The following EFR3B variants were observed in gnomAD, a reference collection of about 807,000 sequenced individuals.
EFR3B encodes EFR3 homolog B.
In EFR3B, 64 loss-of-function variants were observed where a neutral mutation model predicts 104.7. That is an observed-to-expected ratio of 0.61 (90% CI 0.50 to 0.75). The LOEUF is 0.75. Among genes scored for constraint, EFR3B ranks in the 30% least tolerant of loss-of-function variants. The pLI, the probability that EFR3B is intolerant of heterozygous loss-of-function variation, is 0.00. For synonymous variants in EFR3B, 385 were observed against 417.9 expected (o/e 0.92, Z 0.96); for missense variants, 750 against 1,078.5 (o/e 0.70, Z 4.27).
In EFR3B at chr2:25,135,188, G is replaced by A. The variant is rs1386158464; in HGVS notation, c.1312-279G>A. ...TAGGTTCAGAGACTGCCTGGCTCCC[G>A]CTTCCCTCCAGGGCTCATCCCTTGC... is the stretch of plus-strand genomic sequence containing the variant. On this transcript the variant is annotated intron_variant, in intron 12 of 22. Coordinates refer to ENST00000403714, the MANE Select transcript of EFR3B (RefSeq NM_014971.2). Among the ~76,000 whole-genome samples, 6 of 152,116 alleles carry A rather than the reference G, an allele frequency of 3.9e-5. No homozygotes were observed. In the East Asian group the frequency reaches 5.8e-4, roughly 15 times the overall value.
intron 5 of EFR3B, among the ~76,000 whole-genome samples, chr2:25,123,901 C>T (rs1670089326): frequency 6.6e-6 from 1 of 152,216 alleles, no homozygotes; most frequent in South Asian, 2.1e-4. Flanking sequence ...GTTTCCTGAA[C>T]ATCAGGAGGA....
chr2:25,076,358 T>G (rs1480399341), intron 1 of EFR3B, among the ~76,000 whole-genome samples: 2 of 152,156 alleles, frequency 1.3e-5, no homozygotes, highest in Non-Finnish European at 2.9e-5. Context: ...ATAGTAATAC[T>G]GATGATGATG....
At chr2:25,127,800 G>A (rs1159219417) in intron 5 of EFR3B, among the ~76,000 whole-genome samples, 4 of 152,136 alleles carry the variant, frequency 2.6e-5, no homozygotes, top group African/African-American at 7.2e-5. Context: ...CCCTGCCCCC[G>A]CAAGTTGCTC....
intron 5 of EFR3B, among the ~76,000 whole-genome samples, chr2:25,126,612 G>A (rs1399202824): frequency 3.3e-5 from 5 of 151,890 alleles, no homozygotes; most frequent in African/African-American, 7.3e-5. Context: ...CACCCACCTC[G>A]GCCTCCCAAA....
Position 25,156,290 on chromosome 2 carries a change from G to GTTTTCTTTT in EFR3B, c.*1954_*1955insCTTTTTTTT, listed in dbSNP as rs1671166465. 1 of 71,752 alleles carries GTTTTCTTTT rather than the reference G, an allele frequency of 1.4e-5. No individual in the cohort carries two copies. Among genetic ancestry groups the GTTTTCTTTT allele is most frequent in the Non-Finnish European group, 2.5e-5 (1 of 39,578 alleles). The allele number at this position is 71,752 out of a possible 1,614,324, so 4.4% of individuals were successfully genotyped here. A position where few individuals can be genotyped will look rare whatever the true frequency, so the allele number is the denominator to read the frequency against. ...TGTGGGCACACAGCTTCTTTTTCTT[G>GTTTTCTTTT]TTTTTTTTTTTTTTTTTTTTTTTTT... On this transcript the variant is annotated 3_prime_UTR_variant, in exon 23 of 23. Coordinates refer to ENST00000403714, the MANE Select transcript of EFR3B (RefSeq NM_014971.2).
intron 4 of EFR3B, among the ~76,000 whole-genome samples, chr2:25,107,452 C>G (rs892958539): frequency 1.3e-5 from 2 of 152,160 alleles, no homozygotes; most frequent in Non-Finnish European, 2.9e-5. Flanking sequence ...CTTTGGAAAC[C>G]TACCAATTCC....
At chr2:25,148,130 T>G (rs184872330) in intron 19 of EFR3B, among the ~76,000 whole-genome samples, 8 of 152,150 alleles carry the variant, frequency 5.3e-5, no homozygotes, top group Non-Finnish European at 2.9e-5. Context: ...CCTTCATTAT[T>G]TTCAGCATCT....
intron 1 of EFR3B, among the ~76,000 whole-genome samples, chr2:25,062,077 C>T (rs986372622): frequency 6.6e-6 from 1 of 152,152 alleles, no homozygotes; most frequent in East Asian, 1.9e-4. Flanking sequence ...GTAGTGAGTG[C>T]GTATTTTTAA....
At chr2:25,068,515 A>G (rs1301370457) in intron 1 of EFR3B, among the ~76,000 whole-genome samples, 1 of 152,182 alleles carries the variant, frequency 6.6e-6, no homozygotes. Context: ...CACAAGCATA[A>G]GATAACTGGG....
intron 5 of EFR3B, among the ~76,000 whole-genome samples, chr2:25,124,919 A>T (rs1227621672): frequency 6.6e-6 from 1 of 151,830 alleles, no homozygotes; most frequent in Admixed American, 6.6e-5. Flanking sequence ...TTAGCCAGGC[A>T]TGGTAGCGCA....
intron 4 of EFR3B, among the ~76,000 whole-genome samples, chr2:25,113,167 T>C (rs1287611153): frequency 1.3e-5 from 2 of 152,122 alleles, no homozygotes; most frequent in African/African-American, 4.8e-5. Flanking sequence ...AAATGTCACA[T>C]GTTCGAAATC....
At chr2:25,052,532 C>A (rs1051293085) in intron 1 of EFR3B, among the ~76,000 whole-genome samples, 1 of 138,654 alleles carries the variant, frequency 7.2e-6, no homozygotes, top group African/African-American at 2.7e-5. Context: ...GACGGAGTCT[C>A]GCTCTGTCGC....
In EFR3B at chr2:25,131,747, C is replaced by T. The variant is rs988552983; in HGVS notation, c.986-3C>T. 3.4e-5 allele frequency: 51 copies of T among 1,497,450 alleles called. No homozygotes were observed. Among genetic ancestry groups the T allele is most frequent in the Middle Eastern group, 1.7e-4 (1 of 5,776 alleles). 92.8% of individuals were successfully genotyped at this position (1,497,450 alleles called of 1,614,324 possible). On this transcript the variant is annotated splice_region_variant and splice_polypyrimidine_tract_variant and intron_variant, in intron 9 of 22. Coordinates refer to ENST00000403714, the MANE Select transcript of EFR3B (RefSeq NM_014971.2). This position sits in a 1 kb window ranked among gnomAD's most constrained non-coding sequence, Gnocchi z 7.6. ...CTCGGGTGTCCCGCCCCACCGCTCT[C>T]AGGGCCCACAGTACTGGAGATGTTC... is the stretch of plus-strand genomic sequence containing the variant.
At chr2:25,116,894 C>T (rs1436192536) in intron 4 of EFR3B, among the ~76,000 whole-genome samples, 1 of 152,102 alleles carries the variant, frequency 6.6e-6, no homozygotes, top group Non-Finnish European at 1.5e-5. Context: ...GCAGAACTCT[C>T]ATTTTTAAAA....
intron 20 of EFR3B, among the ~76,000 whole-genome samples, chr2:25,150,572 C>T (rs796552156): frequency 1.5e-4 from 23 of 151,158 alleles, no homozygotes; most frequent in African/African-American, 5.3e-4. Flanking sequence ...TTTTTGTCAT[C>T]ATTAATGATA....
chr2:25,078,969 T>C (rs1251838061), intron 1 of EFR3B, among the ~76,000 whole-genome samples: 1 of 152,128 alleles, frequency 6.6e-6, no homozygotes, highest in Non-Finnish European at 1.5e-5. Context: ...CCTAATCTGC[T>C]CTGCTTCCGA....
At chr2:25,078,905 G>T (rs1001708743) in intron 1 of EFR3B, among the ~76,000 whole-genome samples, 3 of 152,044 alleles carry the variant, frequency 2.0e-5, no homozygotes, top group African/African-American at 7.2e-5. Context: ...GCTTGTGGCC[G>T]GTCCCTGTCA....
At position 25,064,638 on chromosome 2, in the gene EFR3B, T is replaced by G. The variant is rs1668282984; in HGVS notation, c.7+22319T>G. On this transcript the variant is annotated intron_variant, in intron 1 of 22. Coordinates refer to ENST00000403714, the MANE Select transcript of EFR3B (RefSeq NM_014971.2). ...ATGCTTCTTACCCCCAGAGTCCACA[T>G]GTACTTAAAAAAATCGAATGCCTCG... Among the ~76,000 whole-genome samples the G allele has an allele frequency of 2.0e-5, 3 of 152,154 alleles. No homozygotes were observed. The South Asian group carries it at 6.2e-4, about 31-fold the overall frequency.
At chr2:25,051,313 C>T (rs1410577735) in intron 1 of EFR3B, among the ~76,000 whole-genome samples, 1 of 152,012 alleles carries the variant, frequency 6.6e-6, no homozygotes, top group Non-Finnish European at 1.5e-5. Context: ...GGGGGTTTCA[C>T]CCTGTTGGCC....
Sources: allele counts gnomAD v4.1 joint callset (sites outside exome capture counted in the v4.1 genomes callset), GRCh38; gene constraint gnomAD v4.1.1; non-coding constraint Gnocchi (gnomAD v3.1); transcripts MANE v1.5; gene names NCBI Gene and HGNC (gene_info 2026-07-23, HGNC 2026-07-21).